ADGRL3: variants seen among roughly 807,000 people sequenced by gnomAD.
ADGRL3 encodes the protein calcium-independent alpha-latrotoxin receptor 3.
In ADGRL3, 62 loss-of-function variants were observed where a neutral mutation model predicts 153.5. The ratio of observed to expected loss-of-function variants is 0.40; its 90% confidence interval spans 0.33 to 0.50. The LOEUF (loss-of-function observed/expected upper bound fraction) is 0.50, where lower values mean the gene tolerates loss of function less well. ADGRL3 is among the 20% of genes least tolerant of loss of function. ADGRL3 has a pLI of 0.47. For missense variants in ADGRL3, 1,641 were observed against 1,859.4 expected (o/e 0.88, Z 2.16); for synonymous variants, 710 against 672.5 (o/e 1.06, Z -0.86).
intron 5 of ADGRL3, among the ~76,000 whole-genome samples, chr4:61,602,110 T>A (rs983710622): frequency 4.6e-5 from 7 of 150,980 alleles, no homozygotes; most frequent in African/African-American, 1.7e-4. Flanking sequence ...TAAAATGACC[T>A]CCCTGTCTTA....
At chr4:61,901,988 T>A (rs750241645) in intron 11 of ADGRL3, among the ~76,000 whole-genome samples, 2 of 152,174 alleles carry the variant, frequency 1.3e-5, no homozygotes, top group Non-Finnish European at 2.9e-5. Context: ...GTGGAATAAA[T>A]GTATTTCAGC....
At chr4:61,366,850 G>C (rs2096407404) in intron 1 of ADGRL3, among the ~76,000 whole-genome samples, 1 of 152,102 alleles carries the variant, frequency 6.6e-6, no homozygotes, top group Admixed American at 6.6e-5. Flanking sequence ...GTCAAACCAA[G>C]ACTGTTGTGT....
At chr4:62,054,646 G>C (rs1365441496) in intron 25 of ADGRL3, among the ~76,000 whole-genome samples, 1 of 151,326 alleles carries the variant, frequency 6.6e-6, no homozygotes, top group African/African-American at 2.4e-5. Flanking sequence ...GAAAAAGATA[G>C]ATAAGATCAT....
At chr4:61,387,865 T>C (rs1164733660) in intron 2 of ADGRL3, among the ~76,000 whole-genome samples, 2 of 152,190 alleles carry the variant, frequency 1.3e-5, no homozygotes, top group Non-Finnish European at 2.9e-5. Context: ...CACAAGGGTA[T>C]TGATTGGGGA....
chr4:61,244,365 A>C (rs1391427025), intron 1 of ADGRL3, among the ~76,000 whole-genome samples: 1 of 152,060 alleles, frequency 6.6e-6, no homozygotes, highest in Admixed American at 6.6e-5. Flanking sequence ...GTATTATAGA[A>C]GAGTTGCAGA....
At chr4:61,363,680 G>A (rs1435422601) in intron 1 of ADGRL3, among the ~76,000 whole-genome samples, 1 of 152,102 alleles carries the variant, frequency 6.6e-6, no homozygotes, top group African/African-American at 2.4e-5. Context: ...GAAACATCAA[G>A]TTAGCATTTA....
chr4:61,924,439 C>T (rs556910362), intron 13 of ADGRL3, among the ~76,000 whole-genome samples: 42 of 152,304 alleles, frequency 2.8e-4, no homozygotes, highest in African/African-American at 9.1e-4. Flanking sequence ...ATCAATGGCA[C>T]AAACCATTCT....
At chr4:61,939,355 T>A (rs2098861847) in intron 15 of ADGRL3, among the ~76,000 whole-genome samples, 1 of 152,200 alleles carries the variant, frequency 6.6e-6, no homozygotes, top group Non-Finnish European at 1.5e-5. Flanking sequence ...AAAATAAATC[T>A]CTTCTGTATG....
At chr4:61,375,492 T>TAA (rs2096592866) in intron 1 of ADGRL3, among the ~76,000 whole-genome samples, 1 of 152,150 alleles carries the variant, frequency 6.6e-6, no homozygotes, top group African/African-American at 2.4e-5. Context: ...TCAAGTGTAC[T>TAA]CCCTGAGTTA....
chr4:61,964,324 A>G (rs926126512), intron 17 of ADGRL3, among the ~76,000 whole-genome samples: 11 of 152,184 alleles, frequency 7.2e-5, no homozygotes, highest in Non-Finnish European at 1.0e-4. Flanking sequence ...TTATTAATTC[A>G]CTATTTAACT....
At chr4:61,780,229 A>G (rs1347635979) in intron 8 of ADGRL3, among the ~76,000 whole-genome samples, 1 of 152,216 alleles carries the variant, frequency 6.6e-6, no homozygotes, top group African/African-American at 2.4e-5. Context: ...TTGACAGAGA[A>G]GAGCAGCCGC....
chr4:61,556,396 A>G (rs2098767053), intron 4 of ADGRL3, among the ~76,000 whole-genome samples: 1 of 152,142 alleles, frequency 6.6e-6, no homozygotes, highest in Admixed American at 6.6e-5. Context: ...ATCTGGTGCC[A>G]CTAAGGCAGA....
intron 6 of ADGRL3, among the ~76,000 whole-genome samples, chr4:61,711,491 T>TATATATATATATATATATATATAC (rs757078842): frequency 3.4e-5 from 3 of 89,210 alleles, no homozygotes; most frequent in South Asian, 3.8e-4. Flanking sequence ...TATATATATA[T>TATATATATATATATATATATATAC]ACACACACAC....
Position 61,856,364 on chromosome 4 carries a change from C to CCCTT in ADGRL3, c.1481-36278_1481-36275dup, listed in dbSNP as rs531984196. ...CTCCCTCCCTTCTTCTTTCCTTCTT[C>CCCTT]CCTTCCTTCCTTCCTTCTTCCTTCC... On this transcript the variant is annotated intron_variant, in intron 9 of 26. Transcript: ENST00000683033. 1.2e-3 allele frequency among the ~76,000 whole-genome samples: 168 copies of CCCTT among 144,472 alleles called. 1 individual carries two copies. Among genetic ancestry groups the CCCTT allele is most frequent in the African/African-American group, 4.1e-3 (160 of 39,102 alleles). The allele number at this position is 144,472 out of a possible 152,430, so 94.8% of individuals were successfully genotyped here.
intron 8 of ADGRL3, among the ~76,000 whole-genome samples, chr4:61,790,444 A>C (rs1442888264): frequency 6.6e-6 from 1 of 152,142 alleles, no homozygotes; most frequent in African/African-American, 2.4e-5. Context: ...GCTTTTTCCT[A>C]ATCATACATA....
chr4:61,406,769 C>G (rs1020618296), intron 2 of ADGRL3, among the ~76,000 whole-genome samples: 36 of 151,848 alleles, frequency 2.4e-4, no homozygotes, highest in African/African-American at 8.2e-4. Flanking sequence ...ATATTCTGTA[C>G]AACTTATTCA....
At chr4:62,046,583 G>A (rs1469793167) in intron 25 of ADGRL3, among the ~76,000 whole-genome samples, 2 of 151,860 alleles carry the variant, frequency 1.3e-5, no homozygotes, top group African/African-American at 4.8e-5. Flanking sequence ...ATTTCATACA[G>A]CTGTTAAAGG....
At chr4:61,931,896 G>C (rs1464289485) in intron 13 of ADGRL3, among the ~76,000 whole-genome samples, 1 of 151,984 alleles carries the variant, frequency 6.6e-6, no homozygotes, top group Non-Finnish European at 1.5e-5. Flanking sequence ...TTAATAAATG[G>C]TGCCTTTGAT....
At chr4:61,481,581 G>A (rs113723716) in intron 2 of ADGRL3, among the ~76,000 whole-genome samples, 1,640 of 151,656 alleles carry the variant, frequency 0.011, 33 homozygotes, top group African/African-American at 0.035. Context: ...CTTAATGTTA[G>A]GAAGGGATTG....
Sources: allele counts gnomAD v4.1 joint callset (sites outside exome capture counted in the v4.1 genomes callset), GRCh38; gene constraint gnomAD v4.1.1; transcripts MANE v1.5; gene names NCBI Gene and HGNC (gene_info 2026-07-23, HGNC 2026-07-21).